RIC3: variants seen among roughly 807,000 people sequenced by gnomAD.
RIC3 encodes the protein RIC3 acetylcholine receptor chaperone.
In RIC3, 28 loss-of-function variants were observed where a neutral mutation model predicts 27.3. The ratio of observed to expected loss-of-function variants is 1.02; its 90% CI spans 0.76 to 1.41. The LOEUF (loss-of-function observed/expected upper bound fraction) is 1.41, where lower values mean the gene tolerates loss of function less well. RIC3 is among the 40% of genes most tolerant of loss of function. The probability of loss-of-function intolerance (pLI) is 0.00; values close to 1 mark genes in which losing one functional copy is unlikely to be tolerated. For missense variants in RIC3, 501 were observed against 444.7 expected, an observed-to-expected ratio of 1.13 and a Z score of -1.14; for synonymous variants, 184 against 160.4, an observed-to-expected ratio of 1.15 and a Z score of -1.11.
At chr11:8,168,512 G>A (rs946228310) in intron 1 of RIC3, among the ~76,000 whole-genome samples, 2 of 152,180 alleles carry the variant, frequency 1.3e-5, no homozygotes, top group African/African-American at 4.8e-5. Context: ...AAACCCAACT[G>A]GGAACCCTTG....
At chr11:8,100,394 G>C in the RIC3 span, 1 of 836,578 alleles carries the variant, frequency 1.2e-6, no homozygotes, top group Non-Finnish European at 2.0e-6. Flanking sequence ...GTTAGACTTC[G>C]GAGTGGAGAT....
chr11:8,151,604 A>AAAAAAAAAG (rs1950237300), intron 1 of RIC3, among the ~76,000 whole-genome samples: 1 of 146,808 alleles, frequency 6.8e-6, no homozygotes, highest in Non-Finnish European at 1.5e-5. Context: ...AAAAAAGACA[A>AAAAAAAAAG]ATAAACCAAG....
chr11:8,160,347 T>C lies in RIC3; in HGVS notation c.124+8519A>G, dbSNP rs544210978. On this transcript the variant is annotated intron_variant, in intron 1 of 5. Transcript: ENST00000309737. Reference sequence around the variant, plus strand: ...TTCATTTTACTACTCTCTCAACTTTTGCTTATGTTTGAAAATGTCTTTAAC... The same window carrying C: ...TTCATTTTACTACTCTCTCAACTTTCGCTTATGTTTGAAAATGTCTTTAAC... 3.9e-5 allele frequency among the ~76,000 whole-genome samples: 6 copies of C among 152,348 alleles called. No homozygotes were observed. The East Asian group carries it at 9.6e-4, about 24-fold the overall frequency.
intron 4 of RIC3, chr11:8,135,479 T>C (rs1948280270): frequency 6.6e-6 from 1 of 152,220 alleles, no homozygotes; most frequent in Admixed American, 6.5e-5. Context: ...CCTTTTTGGT[T>C]CCATATGAAC....
chr11:8,120,228 G>C (rs1449621181), intron 5 of RIC3, among the ~76,000 whole-genome samples: 1 of 152,160 alleles, frequency 6.6e-6, no homozygotes, highest in African/African-American at 2.4e-5. Flanking sequence ...CTACTATAAA[G>C]ACACATGCAC....
chr11:8,138,039 G>A (rs751875648), intron 3 of RIC3, among the ~76,000 whole-genome samples: 1 of 152,148 alleles, frequency 6.6e-6, no homozygotes, highest in African/African-American at 2.4e-5. Context: ...CATTCCAAAC[G>A]TGAAATATTA....
intron 1 of RIC3, among the ~76,000 whole-genome samples, chr11:8,141,567 A>C (rs374062178): frequency 2.0e-5 from 3 of 150,818 alleles, no homozygotes; most frequent in African/African-American, 7.3e-5. Flanking sequence ...AGACTCCCAC[A>C]CATTAATAAT....
At chr11:8,120,097 G>A (rs573377649) in intron 5 of RIC3, among the ~76,000 whole-genome samples, 1 of 152,318 alleles carries the variant, frequency 6.6e-6, no homozygotes, top group Non-Finnish European at 1.5e-5. Context: ...TGGTGGGAGT[G>A]CAAATTAGTT....
chr11:8,126,379 T>A (rs766017659), intron 5 of RIC3, among the ~76,000 whole-genome samples: 9 of 152,022 alleles, frequency 5.9e-5, no homozygotes, highest in African/African-American at 1.2e-4. Flanking sequence ...AAGGCAAAAC[T>A]AAAGGCACAG....
chr11:8,145,944 T>C (rs534974641), intron 1 of RIC3, among the ~76,000 whole-genome samples: 1 of 152,350 alleles, frequency 6.6e-6, no homozygotes, highest in South Asian at 2.1e-4. Context: ...GGGTAAGTGA[T>C]ACAGATATTC....
At chr11:8,136,487 T>A (rs1948437428) in intron 4 of RIC3, among the ~76,000 whole-genome samples, 1 of 152,210 alleles carries the variant, frequency 6.6e-6, no homozygotes, top group Admixed American at 6.5e-5. Flanking sequence ...CTTCTTGGCC[T>A]TTCTATATCC....
At position 8,110,684 on chromosome 11, in the gene RIC3, C is replaced by G. The variant is rs1480595497; in HGVS notation, c.*14G>C. On this transcript the variant is annotated 3_prime_UTR_variant, in exon 6 of 6. Transcript: ENST00000309737. ...CTTGGGACTTGAGTAATGGATACTTCAGACTGGCTGTTTTCACTCTAAACC... is the reference window on the plus strand; with the variant it reads ...CTTGGGACTTGAGTAATGGATACTTGAGACTGGCTGTTTTCACTCTAAACC... 6.2e-7 allele frequency: 1 copy of G among 1,612,802 alleles called. No homozygotes were observed. The highest frequency in any genetic ancestry group is 2.2e-5 in the East Asian group (1 of 44,880).
chr11:8,149,741 T>C (rs953244081), intron 1 of RIC3, among the ~76,000 whole-genome samples: 1 of 152,220 alleles, frequency 6.6e-6, no homozygotes, highest in African/African-American at 2.4e-5. Flanking sequence ...TTCTTGGCTA[T>C]GACGGGATGG....
At chr11:8,100,670 A>AAC in the RIC3 span, 5 of 1,556,324 alleles carry the variant, frequency 3.2e-6, no homozygotes, top group South Asian at 5.6e-5. Context: ...CTAAGGGCAG[A>AAC]ACTCCAGCTG....
chr11:8,144,845 C>T (rs1390409356), intron 1 of RIC3, among the ~76,000 whole-genome samples: 1 of 151,752 alleles, frequency 6.6e-6, no homozygotes, highest in Non-Finnish European at 1.5e-5. Flanking sequence ...GAATACTATG[C>T]AGCCATAAAA....
intron 4 of RIC3, among the ~76,000 whole-genome samples, chr11:8,131,494 G>A (rs542243942): frequency 1.3e-5 from 2 of 152,254 alleles, no homozygotes; most frequent in African/African-American, 4.8e-5. Context: ...GAGGCTAAAG[G>A]TAGGTATCTA....
At chr11:8,138,420 A>C (rs78612783) in intron 2 of RIC3, 73 bp from the exon 3 acceptor site, 1 of 629,374 alleles carries the variant, frequency 1.6e-6, no homozygotes, top group South Asian at 2.8e-5. Context: ...CATATCAAAC[A>C]AAAAAAAAAG....
rs941392959 is a variant in RIC3, at chr11:8,146,560, G to A, written c.125-6367C>T. The stretch of plus-strand genomic sequence containing the variant: ...TAAAACATTTCAAGAGATTTATTCT[G>A]AGCCAAATATAAGTGACCATGGCAC... On this transcript the variant is annotated intron_variant, in intron 1 of 5. Coordinates refer to ENST00000309737, the MANE Select transcript of RIC3 (RefSeq NM_001206671.4). Among the ~76,000 whole-genome samples, 3 of 152,180 alleles carry A rather than the reference G, an allele frequency of 2.0e-5. No homozygotes were observed. In the East Asian group the frequency reaches 5.8e-4, roughly 29 times the overall value.
chr11:8,106,911 G>A lies in RIC3; in HGVS notation c.*3787C>T, dbSNP rs1253721680. 1 of 152,188 alleles carries A rather than the reference G, an allele frequency of 6.6e-6. No individual in the cohort carries two copies. The highest frequency in any genetic ancestry group is 2.4e-5 in the African/African-American group (1 of 41,448). The allele number at this position is 152,188 out of a possible 1,614,324, so 9.4% of individuals were successfully genotyped here. A position where few individuals can be genotyped will look rare whatever the true frequency, so the allele number is the denominator to read the frequency against. On this transcript the variant is annotated 3_prime_UTR_variant, in exon 6 of 6. Transcript: ENST00000309737. ...TCAGCAACACTGGACTTGACAGAGTGGTGACAGGGATCATGCTGTCACCAA... is the reference window on the plus strand; with the variant it reads ...TCAGCAACACTGGACTTGACAGAGTAGTGACAGGGATCATGCTGTCACCAA...
Sources: allele counts gnomAD v4.1 joint callset (sites outside exome capture counted in the v4.1 genomes callset), GRCh38; gene constraint gnomAD v4.1.1; transcripts MANE v1.5; gene names NCBI Gene and HGNC (gene_info 2026-07-23, HGNC 2026-07-21).